The following MYBPC1 variants were observed in gnomAD, a reference collection of about 807,000 sequenced individuals.
MYBPC1 encodes the protein myosin binding protein C1, also known as myosin-binding protein C, slow-type.
MYBPC1 carries 52 observed loss-of-function variants against 147.1 expected under a neutral mutation model. The ratio of observed to expected loss-of-function variants is 0.35; its 90% CI spans 0.28 to 0.45. The LOEUF (loss-of-function observed/expected upper bound fraction) is 0.45. Ranked by LOEUF, MYBPC1 falls within the 20% of genes least tolerant of loss-of-function variation. The pLI, the probability that MYBPC1 is intolerant of heterozygous loss-of-function variation, is 1.00. For missense variants in MYBPC1, 1,228 were observed against 1,440.3 expected (o/e 0.85, Z 2.39); for synonymous variants, 477 against 475.9 (o/e 1.00, Z -0.03).
chr12:101,650,050 A>G (rs60839257), intron 15 of MYBPC1, among the ~76,000 whole-genome samples: 233 of 152,350 alleles, frequency 1.5e-3, no homozygotes, highest in African/African-American at 5.0e-3. Context: ...TAATCATTGA[A>G]TTATTCAGGA....
intron 31 of MYBPC1, 107 bp downstream of exon 31, chr12:101,684,531 C>G: frequency 1.2e-6 from 1 of 859,564 alleles, no homozygotes. Context: ...TGAAAATAGA[C>G]TTATTTTAAA....
the MYBPC1 span, among the ~76,000 whole-genome samples, chr12:101,692,293 A>C: frequency 1.3e-5 from 2 of 152,212 alleles, no homozygotes; most frequent in Non-Finnish European, 2.9e-5. Context: ...AATTTTTTTC[A>C]TAATATTTAG....
At chr12:101,634,477 C>T in intron 8 of MYBPC1, 77 bp from the exon 9 acceptor site, 3 of 1,202,658 alleles carry the variant, frequency 2.5e-6, no homozygotes, top group Admixed American at 1.7e-5. Context: ...TAAAGAATCC[C>T]CACAGCCTAT....
chr12:101,681,555 C>CATATATATATATATAT (rs1206495774), intron 29 of MYBPC1, among the ~76,000 whole-genome samples: 4 of 23,170 alleles, frequency 1.7e-4, no homozygotes, highest in Admixed American at 8.0e-4. Flanking sequence ...AAATAACTTT[C>CATATATATATATATAT]ATATATATAT....
At chr12:101,602,099 T>C (rs1880267023) in intron 1 of MYBPC1, among the ~76,000 whole-genome samples, 1 of 152,214 alleles carries the variant, frequency 6.6e-6, no homozygotes, top group African/African-American at 2.4e-5. Flanking sequence ...ATAGACTGAA[T>C]TACTTACACT....
At chr12:101,683,538 T>G (rs777396122) in intron 30 of MYBPC1, among the ~76,000 whole-genome samples, 14 of 152,340 alleles carry the variant, frequency 9.2e-5, no homozygotes, top group Non-Finnish European at 1.6e-4. Flanking sequence ...TTTGGACATT[T>G]TCATGGGGAC....
intron 1 of MYBPC1, among the ~76,000 whole-genome samples, chr12:101,596,398 C>T (rs1877264017): frequency 6.6e-6 from 1 of 152,224 alleles, no homozygotes; most frequent in Admixed American, 6.5e-5. Flanking sequence ...ATTTGTAATG[C>T]AAATGATTTA....
intron 1 of MYBPC1, among the ~76,000 whole-genome samples, chr12:101,601,301 GCT>G (rs1457091291): frequency 2.6e-5 from 4 of 152,162 alleles, no homozygotes; most frequent in African/African-American, 9.7e-5. Flanking sequence ...TCGTAATTCT[GCT>G]CTGTGTGGAT....
chr12:101,655,040 G>A (rs1895294236), intron 18 of MYBPC1, among the ~76,000 whole-genome samples: 1 of 152,180 alleles, frequency 6.6e-6, no homozygotes, highest in African/African-American at 2.4e-5. Context: ...CATTATGGTA[G>A]AGAAATAAGC....
At chr12:101,610,824 T>C (rs1203524785) in intron 1 of MYBPC1, among the ~76,000 whole-genome samples, 1 of 152,166 alleles carries the variant, frequency 6.6e-6, no homozygotes, top group East Asian at 1.9e-4. Flanking sequence ...TTGTCCAACA[T>C]AGGTAGCAGG....
chr12:101,686,497 A>T (rs904127130), downstream of MYBPC1, among the ~76,000 whole-genome samples: 1 of 152,238 alleles, frequency 6.6e-6, no homozygotes, highest in African/African-American at 2.4e-5. Flanking sequence ...AACCTTTATT[A>T]AAAAATCTAG....
At chr12:101,683,217 C>T (rs1230269875) in intron 30 of MYBPC1, among the ~76,000 whole-genome samples, 3 of 151,934 alleles carry the variant, frequency 2.0e-5, no homozygotes, top group Admixed American at 1.3e-4. Context: ...ATCGCTTGAT[C>T]CCAGGAGTCC....
In MYBPC1 at chr12:101,632,154, T is replaced by G. The variant is rs780739815; in HGVS notation, c.556+16T>G. 1.3e-6 allele frequency: 2 copies of G among 1,543,144 alleles called. No homozygotes were observed. The highest frequency in any genetic ancestry group is 1.8e-6 in the Non-Finnish European group (2 of 1,115,486). ...GAAGTGCACGGTAAGAGAGCCTTCT[T>G]GCCTAGATAAATGTAATTTTTTAAT... On this transcript the variant is annotated intron_variant, in intron 8 of 31. Transcript: ENST00000361466.
chr12:101,643,173 T>C (rs1254862994), intron 11 of MYBPC1, among the ~76,000 whole-genome samples: 3 of 152,210 alleles, frequency 2.0e-5, no homozygotes. Flanking sequence ...CACATCAGGT[T>C]AGTAATATAT....
chr12:101,634,880 C>A lies in MYBPC1; in HGVS notation c.608+275C>A, dbSNP rs117880450. On this transcript the variant is annotated intron_variant, in intron 9 of 31. Transcript: ENST00000361466. ...CTTAGAAAGACACTTTCAATTTATT[C>A]ATATGTAGCTTCCTCCTTAAAGCAT... Among the ~76,000 whole-genome samples, 54 of 152,292 alleles carry A rather than the reference C, an allele frequency of 3.5e-4. No homozygotes were observed. In the East Asian group the frequency reaches 9.8e-3, roughly 28 times the overall value.
rs1899606350 is a variant in MYBPC1 at position 101,675,010 on chromosome 12, T to G, written c.2810-282T>G. ...GGGCAACTTCCTGTAACAGCCTCCC[T>G]TAAAGGGTCATTCCCTTTAAACTAA... On this transcript the variant is annotated intron_variant, in intron 25 of 31. Transcript: ENST00000361466. 2.6e-5 allele frequency among the ~76,000 whole-genome samples: 4 copies of G among 151,876 alleles called. No homozygotes were observed. In the South Asian group the frequency reaches 8.3e-4, roughly 32 times the overall value.
chr12:101,692,631 G>T, the MYBPC1 span, among the ~76,000 whole-genome samples: 6 of 150,738 alleles, frequency 4.0e-5, no homozygotes, highest in African/African-American at 1.5e-4. Context: ...ACAGTGCTTG[G>T]CATAGGATAG....
At chr12:101,669,940 GAAAAA>G in intron 23 of MYBPC1, 1 of 187,954 alleles carries the variant, frequency 5.3e-6, no homozygotes, top group Non-Finnish European at 9.8e-6. Flanking sequence ...AAAAAAAAAA[GAAAAA>G]AAAAAAGAAA....
the MYBPC1 span, among the ~76,000 whole-genome samples, chr12:101,694,928 A>C: frequency 9.2e-5 from 14 of 152,338 alleles, no homozygotes; most frequent in African/African-American, 3.1e-4. Context: ...AGTTATTTAC[A>C]GCTTTTAGTT....
Sources: allele counts gnomAD v4.1 joint callset (sites outside exome capture counted in the v4.1 genomes callset), GRCh38; gene constraint gnomAD v4.1.1; transcripts MANE v1.5; gene names NCBI Gene and HGNC (gene_info 2026-07-23, HGNC 2026-07-21).